ELAVL4: variants seen among roughly 807,000 people sequenced by gnomAD.
The protein encoded by ELAVL4 is ELAV-like protein 4.
A neutral mutation model predicts 35.6 loss-of-function variants in ELAVL4; 1 was observed. The observed-to-expected ratio is 0.03, with a 90% CI of 0.01 to 0.13. The LOEUF (loss-of-function observed/expected upper bound fraction) is 0.13, where lower values mean the gene tolerates loss of function less well. Among genes scored for constraint, ELAVL4 ranks in the 10% least tolerant of loss-of-function variants. The probability of loss-of-function intolerance (pLI) is 1.00; values close to 1 mark genes in which losing one functional copy is unlikely to be tolerated. For missense variants in ELAVL4, 267 were observed against 464.9 expected, an observed-to-expected ratio of 0.57 and a Z score of 3.91; for synonymous variants, 156 against 171.0, an observed-to-expected ratio of 0.91 and a Z score of 0.69.
chr1:50,094,304 G>T (rs190558812), intron 1 of ELAVL4, among the ~76,000 whole-genome samples: 1 of 152,204 alleles, frequency 6.6e-6, no homozygotes, highest in African/African-American at 2.4e-5. Flanking sequence ...TAAATTTGTG[G>T]GTTTTGTTAG....
At chr1:50,157,086 A>G (rs1216692536) in intron 2 of ELAVL4, among the ~76,000 whole-genome samples, 11 of 152,198 alleles carry the variant, frequency 7.2e-5, no homozygotes, top group Non-Finnish European at 2.9e-5. Flanking sequence ...AAATCCAACC[A>G]TTGTAAGTCG....
chr1:50,169,000 A>AT, intron 2 of ELAVL4, among the ~76,000 whole-genome samples: 1 of 150,282 alleles, frequency 6.7e-6, no homozygotes, highest in East Asian at 1.9e-4. Context: ...ATATATATAT[A>AT]AAGAGGAGTT....
chr1:50,155,707 C>T (rs1675609538), intron 2 of ELAVL4, among the ~76,000 whole-genome samples: 1 of 152,176 alleles, frequency 6.6e-6, no homozygotes, highest in Non-Finnish European at 1.5e-5. Flanking sequence ...CAAGGCTGGA[C>T]ATGCAGGAAC....
chr1:50,066,149 C>A (rs1462972331), intron 1 of ELAVL4, among the ~76,000 whole-genome samples: 1 of 152,150 alleles, frequency 6.6e-6, no homozygotes, highest in Non-Finnish European at 1.5e-5. Context: ...ATCTACCCTA[C>A]CACCCTTACA....
chr1:50,146,170 A>G (rs1379212261), intron 2 of ELAVL4, among the ~76,000 whole-genome samples: 1 of 151,828 alleles, frequency 6.6e-6, no homozygotes, highest in Non-Finnish European at 1.5e-5. Flanking sequence ...TTTTTTTTAA[A>G]AAGGAAGCTG....
chr1:50,165,529 A>T (rs528565546), intron 2 of ELAVL4, among the ~76,000 whole-genome samples: 21 of 149,752 alleles, frequency 1.4e-4, no homozygotes, highest in African/African-American at 4.1e-4. Flanking sequence ...ACGTATATAC[A>T]TATACCTATA....
intron 1 of ELAVL4, among the ~76,000 whole-genome samples, chr1:50,057,025 A>G (rs1663714483): frequency 6.6e-6 from 1 of 152,082 alleles, no homozygotes; most frequent in South Asian, 2.1e-4. Context: ...AAAATAAGGC[A>G]TTGTTATCAC....
At chr1:50,104,472 T>C (rs1355697340), upstream of ELAVL4, among the ~76,000 whole-genome samples, 4 of 152,222 alleles carry the variant, frequency 2.6e-5, no homozygotes, top group Non-Finnish European at 4.4e-5. Context: ...ACTTAATATA[T>C]GCAAGGAGGT....
intron 3 of ELAVL4, among the ~76,000 whole-genome samples, chr1:50,191,816 AG>A (rs1217548431): frequency 2.0e-5 from 3 of 152,192 alleles, no homozygotes; most frequent in African/African-American, 7.2e-5. Context: ...AAAGGTATAA[AG>A]GTGGTAGGTT....
intron 1 of ELAVL4, among the ~76,000 whole-genome samples, chr1:50,143,731 A>T (rs1673209241): frequency 6.6e-6 from 1 of 152,102 alleles, no homozygotes; most frequent in Non-Finnish European, 1.5e-5. Flanking sequence ...TGTAAGACAA[A>T]ATGGAAAGTT....
chr1:50,094,742 C>CAATAAATAAATA (rs60522222), intron 1 of ELAVL4, among the ~76,000 whole-genome samples: 13,688 of 135,408 alleles, frequency 0.1, 1,012 homozygotes, highest in African/African-American at 0.19. Flanking sequence ...CCTGTCTCTA[C>CAATAAATAAATA]AATAAATAAA....
intron 6 of ELAVL4, among the ~76,000 whole-genome samples, chr1:50,200,085 A>C (rs993801254): frequency 6.6e-6 from 1 of 152,244 alleles, no homozygotes; most frequent in Non-Finnish European, 1.5e-5. Flanking sequence ...AACATAGCAT[A>C]AAGGAGTAAT....
intron 1 of ELAVL4, among the ~76,000 whole-genome samples, chr1:50,112,973 C>T (rs1004064546): frequency 1.6e-4 from 25 of 152,026 alleles, no homozygotes; most frequent in Admixed American, 1.1e-3. Flanking sequence ...AAATGAACTG[C>T]GCATTTGCCT....
intron 1 of ELAVL4, among the ~76,000 whole-genome samples, chr1:50,080,859 G>C (rs1378775182): frequency 1.3e-5 from 2 of 152,122 alleles, no homozygotes; most frequent in African/African-American, 4.8e-5. Flanking sequence ...TAGTTGGAGG[G>C]GTGAGAAGAT....
upstream of ELAVL4, among the ~76,000 whole-genome samples, chr1:50,104,172 C>T (rs1666136696): frequency 6.6e-6 from 1 of 152,120 alleles, no homozygotes; most frequent in African/African-American, 2.4e-5. Flanking sequence ...TCTCTCTCCC[C>T]CCAGTCCCCA....
chr1:50,050,205 C>T (rs1663283138), intron 1 of ELAVL4, among the ~76,000 whole-genome samples: 1 of 152,176 alleles, frequency 6.6e-6, no homozygotes, highest in African/African-American at 2.4e-5. Flanking sequence ...TATATATGTA[C>T]AGTGCCTGCC....
chr1:50,195,894 C>A, intron 5 of ELAVL4, 108 bp downstream of exon 5: 7 of 1,274,908 alleles, frequency 5.5e-6, no homozygotes, highest in Non-Finnish European at 7.6e-6. Flanking sequence ...AAGCTTCCAC[C>A]CCCAGGAATC....
At chr1:50,057,023 G>T (rs1663714231) in intron 1 of ELAVL4, among the ~76,000 whole-genome samples, 1 of 152,056 alleles carries the variant, frequency 6.6e-6, no homozygotes, top group Non-Finnish European at 1.5e-5. Context: ...TCAAAATAAG[G>T]CATTGTTATC....
At chr1:50,177,038 C>G (rs77355538) in intron 2 of ELAVL4, 51 bp from the exon 3 acceptor site, 2 of 1,478,406 alleles carry the variant, frequency 1.4e-6, no homozygotes, top group Non-Finnish European at 1.9e-6. Context: ...CTCTCTTTCT[C>G]TCTGTCTGTC....
Sources: gnomAD v4.1 joint callset for allele counts (sites outside exome capture counted in the v4.1 genomes callset) on GRCh38, gnomAD v4.1.1 for gene constraint, MANE v1.5 for transcripts, NCBI Gene and HGNC (gene_info 2026-07-23, HGNC 2026-07-21) for gene names.